DNAH6: variants seen among roughly 807,000 people sequenced by gnomAD.
The protein encoded by DNAH6 is dynein axonemal heavy chain 6, also known as axonemal beta dynein heavy chain 6.
A neutral mutation model predicts 491.4 loss-of-function variants in DNAH6; 340 were observed. That is an observed-to-expected ratio of 0.69 (90% CI 0.63 to 0.76). DNAH6 has a LOEUF of 0.76. Ranked by LOEUF, DNAH6 falls within the 30% of genes least tolerant of loss-of-function variation. The pLI, the probability that DNAH6 is intolerant of heterozygous loss-of-function variation, is 0.00. For synonymous variants in DNAH6, 1,603 were observed against 1,686.1 expected (o/e 0.95, Z 1.21); for missense variants, 4,443 against 4,972.2 (o/e 0.89, Z 3.20).
chr2:84,758,439 C>T (rs1300771968), intron 63 of DNAH6, among the ~76,000 whole-genome samples: 3 of 151,970 alleles, frequency 2.0e-5, no homozygotes, highest in Non-Finnish European at 4.4e-5. Context: ...CAGTATTATC[C>T]TGATACCAAA....
At chr2:84,503,294 A>G in the DNAH6 span, among the ~76,000 whole-genome samples, 2 of 152,286 alleles carry the variant, frequency 1.3e-5, no homozygotes, top group Admixed American at 1.3e-4. Flanking sequence ...CTTTAACTTC[A>G]TCCCCCAAAT....
intron 70 of DNAH6, among the ~76,000 whole-genome samples, chr2:84,802,903 G>A (rs1679064645): frequency 6.6e-6 from 1 of 152,012 alleles, no homozygotes; most frequent in Admixed American, 6.6e-5. Context: ...AATACCAAAA[G>A]GAACTCTCAA....
At chr2:84,514,093 T>C (rs1458857231), upstream of DNAH6, among the ~76,000 whole-genome samples, 2 of 152,214 alleles carry the variant, frequency 1.3e-5, no homozygotes, top group Non-Finnish European at 2.9e-5. Context: ...TATATGTTCT[T>C]TGTATAGGCA....
intron 68 of DNAH6, among the ~76,000 whole-genome samples, chr2:84,794,506 A>T (rs1286205285): frequency 3.3e-5 from 5 of 150,620 alleles, no homozygotes; most frequent in African/African-American, 9.7e-5. Context: ...CCCCATCAAA[A>T]AGTGGGCAAA....
chr2:84,549,352 T>C (rs189023494), intron 8 of DNAH6, among the ~76,000 whole-genome samples: 1 of 152,310 alleles, frequency 6.6e-6, no homozygotes, highest in African/African-American at 2.4e-5. Context: ...TTAGAGGCCT[T>C]AGAGCTCCAC....
intron 11 of DNAH6, among the ~76,000 whole-genome samples, chr2:84,560,917 C>T (rs1042890251): frequency 6.6e-6 from 1 of 151,596 alleles, no homozygotes; most frequent in Admixed American, 6.6e-5. Flanking sequence ...CCACAATAAA[C>T]ATACGTGTGC....
At chr2:84,558,209 C>T (rs908871659) in intron 11 of DNAH6, among the ~76,000 whole-genome samples, 3 of 151,926 alleles carry the variant, frequency 2.0e-5, no homozygotes, top group African/African-American at 4.8e-5. Flanking sequence ...GGGCAGATCA[C>T]GAGGTCAGGA....
intron 63 of DNAH6, among the ~76,000 whole-genome samples, chr2:84,752,647 T>C (rs1673581624): frequency 6.6e-6 from 1 of 152,050 alleles, no homozygotes; most frequent in Admixed American, 6.5e-5. Flanking sequence ...TCTACTTCTG[T>C]CTCTACAGAT....
At chr2:84,586,401 A>C (rs1288819971) in intron 15 of DNAH6, among the ~76,000 whole-genome samples, 1 of 152,184 alleles carries the variant, frequency 6.6e-6, no homozygotes, top group Non-Finnish European at 1.5e-5. Flanking sequence ...GGAATGTTAT[A>C]AATTTCCTAT....
chr2:84,697,616 GAACT>G lies in DNAH6; in HGVS notation c.7567_7570del (p.Asn2523GlnfsTer17). 1 of 1,551,962 alleles carries G rather than the reference GAACT, an allele frequency of 6.4e-7. No homozygotes were observed. Among genetic ancestry groups the G allele is most frequent in the South Asian group, 1.2e-5 (1 of 84,060 alleles). ...TCCTAGAAGATATAAATAACATCCT[GAACT>G]CAGGTGAAGTGCCTAATTTATTTGA... On this transcript the variant is annotated frameshift_variant, in exon 47 of 77. Coordinates refer to ENST00000389394, the MANE Select transcript of DNAH6 (RefSeq NM_001370.2). LOFTEE classifies it high-confidence loss of function.
At position 84,780,992 on chromosome 2, in the gene DNAH6, A is replaced by G. The variant is rs954950042; in HGVS notation, c.10704-501A>G. ...ATTGTTTTTGCCTTTTGGGATAAGG[A>G]GGGGTACTGTTTTTTGACCTAGGTG... On this transcript the variant is annotated intron_variant, in intron 64 of 76. Coordinates refer to ENST00000389394, the MANE Select transcript of DNAH6 (RefSeq NM_001370.2). Among the ~76,000 whole-genome samples the G allele has an allele frequency of 3.3e-5, 5 of 152,154 alleles. 1 individual carries two copies. Among genetic ancestry groups the G allele is most frequent in the African/African-American group, 1.2e-4 (5 of 41,430 alleles).
intron 45 of DNAH6, 92 bp from the exon 46 acceptor site, chr2:84,694,157 A>C (rs1358045377): frequency 2.6e-6 from 3 of 1,156,764 alleles, no homozygotes; most frequent in Non-Finnish European, 2.5e-6. Flanking sequence ...AGGAGGCTCC[A>C]CTGGCCACCA....
chr2:84,695,197 G>GA (rs1695261035), intron 46 of DNAH6, among the ~76,000 whole-genome samples: 1 of 151,994 alleles, frequency 6.6e-6, no homozygotes, highest in Admixed American at 6.6e-5. Context: ...AGAAGAAATA[G>GA]AAAAAATGTG....
chr2:84,814,512 A>G (rs17025592), intron 75 of DNAH6, among the ~76,000 whole-genome samples: 3,817 of 152,242 alleles, frequency 0.025, 58 homozygotes, highest in Middle Eastern at 0.092. Flanking sequence ...TGCACCTCAT[A>G]TTATTTTAAG....
At chr2:84,627,043 T>C (rs1395857187) in intron 29 of DNAH6, among the ~76,000 whole-genome samples, 1 of 152,234 alleles carries the variant, frequency 6.6e-6, no homozygotes, top group Non-Finnish European at 1.5e-5. Flanking sequence ...TGCAAATCGA[T>C]ACTGGTCCAC....
At chr2:84,466,519 G>C in the DNAH6 span, among the ~76,000 whole-genome samples, 1 of 152,100 alleles carries the variant, frequency 6.6e-6, no homozygotes, top group Non-Finnish European at 1.5e-5. Context: ...TCAAAAAAAA[G>C]TTTCCTCGAT....
intron 41 of DNAH6, among the ~76,000 whole-genome samples, chr2:84,677,374 A>T (rs1214619988): frequency 6.6e-6 from 1 of 151,636 alleles, no homozygotes; most frequent in Non-Finnish European, 1.5e-5. Context: ...TGCAGACAAA[A>T]CCCCTACCTT....
intron 39 of DNAH6, among the ~76,000 whole-genome samples, chr2:84,670,918 T>C (rs1692683121): frequency 2.6e-5 from 4 of 152,190 alleles, no homozygotes; most frequent in Non-Finnish European, 2.9e-5. Context: ...ACTGCTTAGA[T>C]AACTAGCATA....
the DNAH6 span, among the ~76,000 whole-genome samples, chr2:84,460,343 T>A: frequency 6.6e-6 from 1 of 152,244 alleles, no homozygotes; most frequent in East Asian, 1.9e-4. Context: ...TTGTGATAAC[T>A]AAATTCCTCA....
Sources: allele counts gnomAD v4.1 joint callset (sites outside exome capture counted in the v4.1 genomes callset), GRCh38; gene constraint gnomAD v4.1.1; transcripts MANE v1.5; gene names NCBI Gene and HGNC (gene_info 2026-07-23, HGNC 2026-07-21).